The following SEMA4B variants were observed in gnomAD, a reference collection of about 807,000 sequenced individuals.
SEMA4B encodes the protein semaphorin 4B, also known as semaphorin-4B.
SEMA4B carries 55 observed loss-of-function variants against 88.1 expected under a neutral mutation model. The observed-to-expected ratio is 0.62, with a 90% confidence interval of 0.50 to 0.78. The LOEUF (loss-of-function observed/expected upper bound fraction) is 0.78. Ranked by LOEUF, SEMA4B falls within the 30% of genes least tolerant of loss-of-function variation. The pLI, the probability that SEMA4B is intolerant of heterozygous loss-of-function variation, is 0.00. For synonymous variants in SEMA4B, 525 were observed against 473.6 expected, an observed-to-expected ratio of 1.11 and a Z score of -1.41; for missense variants, 1,062 against 1,111.9, an observed-to-expected ratio of 0.96 and a Z score of 0.64.
chr15:90,225,705 C>T lies in SEMA4B; in HGVS notation c.1566C>T (p.Pro522=). 1 of 1,567,828 alleles carries T rather than the reference C, an allele frequency of 6.4e-7. No homozygotes were observed. The highest frequency in any genetic ancestry group is 1.4e-5 in the African/African-American group (1 of 73,598). ...AASHSGVVQV[P]MANCSLYRSC... is the part of the protein sequence containing the mutation. ...CACACTCGGGCGTAGTCCAGGTGCC[C>T]ATGGCCAACTGCAGCCTGTACAGGA... Residue 522 remains proline, a synonymous_variant, in exon 12 of 14, where the codon CCC becomes CCT. Transcript: ENST00000411539.
chr15:90,222,738 C>T (rs1039516704), intron 7 of SEMA4B, among the ~76,000 whole-genome samples: 3 of 152,068 alleles, frequency 2.0e-5, no homozygotes, highest in Non-Finnish European at 4.4e-5. Flanking sequence ...TTAACAGTTT[C>T]CTCTTCTGTT....
At chr15:90,188,908 A>G (rs1015793027) in intron 1 of SEMA4B, among the ~76,000 whole-genome samples, 9 of 151,966 alleles carry the variant, frequency 5.9e-5, no homozygotes, top group African/African-American at 1.4e-4. Flanking sequence ...TGACCTCGTG[A>G]TCCGCCCGCC....
rs147898543 is a variant in SEMA4B, at chr15:90,225,315, G to A, written c.1439G>A (p.Gly480Asp). 3.0e-4 allele frequency: 469 copies of A among 1,558,788 alleles called. 4 individuals are homozygous for A. In the African/African-American group the frequency reaches 5.7e-3, roughly 19 times the overall value. Reference protein sequence around the residue: ...DGRLHKAVSVGPRVHIIEELQ... With the variant: ...DGRLHKAVSVDPRVHIIEELQ... ...CGGCTCCACAAGGCAGTGAGCGTGG[G>A]CCCCCGGGTGCACATCATTGAGGAG... The change falls in exon 11 of 14, where the codon GGC (glycine) becomes GAC (aspartate). Residue 480 changes from glycine (G) to aspartate (D), a missense_variant. Transcript: ENST00000411539.
At position 90,222,726 on chromosome 15, in the gene SEMA4B, G is replaced by A. The variant is rs552749808; in HGVS notation, c.862-833G>A. ...TCTTGGGCAAGTCCCTCACCCCCTC[G>A]GTTAACAGTTTCCTCTTCTGTTAAA... On this transcript the variant is annotated intron_variant, in intron 7 of 13. Coordinates refer to ENST00000411539, the MANE Select transcript of SEMA4B (RefSeq NM_198925.4). 6.1e-4 allele frequency among the ~76,000 whole-genome samples: 93 copies of A among 152,070 alleles called. 1 individual carries two copies. Among genetic ancestry groups the A allele is most frequent in the South Asian group, 3.1e-3 (15 of 4,814 alleles).
intron 7 of SEMA4B, 36 bp from the exon 8 acceptor site, chr15:90,223,523 T>C: frequency 1.3e-6 from 2 of 1,523,828 alleles, no homozygotes; most frequent in Non-Finnish European, 1.8e-6. Flanking sequence ...TGGCTCAGCA[T>C]GTGCCTAAGC....
chr15:90,213,626 G>C (rs1183636403), intron 1 of SEMA4B, among the ~76,000 whole-genome samples: 1 of 152,236 alleles, frequency 6.6e-6, no homozygotes, highest in Non-Finnish European at 1.5e-5. Flanking sequence ...ACCTGGGACT[G>C]AGGCTTATCT....
Position 90,219,901 on chromosome 15 carries a change from C to G in SEMA4B, c.483+10C>G. The G allele has an allele frequency of 1.3e-6, 2 of 1,597,128 alleles. No individual in the cohort carries two copies. Among genetic ancestry groups the G allele is most frequent in the South Asian group, 1.1e-5 (1 of 90,744 alleles). On this transcript the variant is annotated intron_variant, in intron 4 of 13. Coordinates refer to ENST00000411539, the MANE Select transcript of SEMA4B (RefSeq NM_198925.4). Reference sequence around the variant, plus strand: ...CATGTGTACCTACATCGTGAGTGACCTGTCCTCAGCCCTGAGGCTGACCTG... The same window carrying G: ...CATGTGTACCTACATCGTGAGTGACGTGTCCTCAGCCCTGAGGCTGACCTG...
At chr15:90,224,571 C>T (rs954886563) in intron 9 of SEMA4B, among the ~76,000 whole-genome samples, 2 of 152,320 alleles carry the variant, frequency 1.3e-5, no homozygotes, top group African/African-American at 4.8e-5. Flanking sequence ...TGGAGCACCT[C>T]TCAGAATTTC....
chr15:90,188,500 TG>T (rs1960242345), intron 1 of SEMA4B, among the ~76,000 whole-genome samples: 1 of 151,834 alleles, frequency 6.6e-6, no homozygotes, highest in South Asian at 2.1e-4. Flanking sequence ...TGGTGGCGCA[TG>T]CCTGTAATCC....
At position 90,201,705 on chromosome 15, in the gene SEMA4B, G is replaced by C. The variant is rs1960746905; in HGVS notation, c.127G>C (p.Ala43Pro). 1.3e-6 allele frequency: 2 copies of C among 1,499,880 alleles called. No individual in the cohort carries two copies. Among genetic ancestry groups the C allele is most frequent in the Non-Finnish European group, 1.8e-6 (2 of 1,130,492 alleles). The allele number at this position is 1,499,880 out of a possible 1,614,324, so 92.9% of individuals were successfully genotyped here. Residue 43 changes from alanine to proline, a missense_variant, in exon 1 of 14, where the codon GCG (alanine) becomes CCG (proline). Transcript: ENST00000411539. ...GCTGCAGCCGCCGCCTCCGACCTGG[G>C]CGCTCAGCCCCCGGATCAGCCTGCC... The part of the protein sequence containing the change: ...LLLQPPPPTW[A>P]LSPRISLPLG...
chr15:90,191,245 G>A (rs1052403098), intron 1 of SEMA4B, among the ~76,000 whole-genome samples: 1 of 152,208 alleles, frequency 6.6e-6, no homozygotes, highest in Non-Finnish European at 1.5e-5. Flanking sequence ...CACAGCGGAC[G>A]CACCTGGGAC....
intron 3 of SEMA4B, chr15:90,219,583 T>C (rs895003580): frequency 1.9e-6 from 1 of 540,004 alleles, no homozygotes; most frequent in East Asian, 3.1e-5. Flanking sequence ...CAAAACTAGC[T>C]GAGCCCCTGG....
At chr15:90,209,577 AGAGAG>A (rs1961159208) in intron 1 of SEMA4B, among the ~76,000 whole-genome samples, 1 of 152,020 alleles carries the variant, frequency 6.6e-6, no homozygotes, top group Non-Finnish European at 1.5e-5. Flanking sequence ...TAAAAAAAAA[AGAGAG>A]AAGAGCGCAG....
intron 1 of SEMA4B, among the ~76,000 whole-genome samples, chr15:90,211,147 T>C (rs1210811361): frequency 1.3e-4 from 20 of 152,150 alleles, no homozygotes; most frequent in Admixed American, 1.3e-3. Flanking sequence ...AGCCAGCCCC[T>C]GAGCAGAGGG....
intron 1 of SEMA4B, among the ~76,000 whole-genome samples, chr15:90,214,300 C>G (rs1163586185): frequency 4.2e-5 from 6 of 141,392 alleles, no homozygotes; most frequent in Non-Finnish European, 7.5e-5. Context: ...TGCACTCCAG[C>G]CTGGACAACA....
In SEMA4B at chr15:90,228,384, A is replaced by C. The variant is rs1447831248; in HGVS notation, c.2255A>C (p.Glu752Ala). ...ATGAAAGTCTTCCTGAAGCAGGGGG[A>C]ATGTGCCAGCGTGCACCCCAAGACC... ...NSMKVFLKQG[E>A]CASVHPKTCP... The change falls in exon 14 of 14, where the codon GAA becomes GCA. Residue 752 changes from glutamate to alanine, a missense_variant. Glu to Ala is a moderately radical substitution (Grantham distance 107). Transcript: ENST00000411539. 6.3e-6 allele frequency: 10 copies of C among 1,598,630 alleles called. No individual in the cohort carries two copies. The highest frequency in any genetic ancestry group is 8.5e-6 in the Non-Finnish European group (10 of 1,172,120).
chr15:90,201,308 T>G (rs1425207641), upstream of SEMA4B: 1 of 1,142,210 alleles, frequency 8.8e-7, no homozygotes, highest in African/African-American at 1.6e-5. Context: ...GCCGACTTCC[T>G]CCTTCAGCCC....
chr15:90,219,480 G>T (rs1961694052), intron 3 of SEMA4B: 1 of 265,290 alleles, frequency 3.8e-6, no homozygotes, highest in African/African-American at 2.2e-5. Flanking sequence ...GGGGCCTGTG[G>T]CTTCTGAAGA....
At position 90,188,731 on chromosome 15, in the gene SEMA4B, T is replaced by G. The variant is rs527882148; in HGVS notation, c.-122+3650T>G. On this transcript the variant is annotated intron_variant, in intron 1 of 14. Coordinates refer to the SEMA4B transcript ENST00000332496. ...TCGCTCACTCTGGGTGCAGTGGCGCTATCTCGGCTCACTGCAAGCTCCGCC... is the reference window on the plus strand; with the variant it reads ...TCGCTCACTCTGGGTGCAGTGGCGCGATCTCGGCTCACTGCAAGCTCCGCC... Among the ~76,000 whole-genome samples, 22 of 152,268 alleles carry G rather than the reference T, an allele frequency of 1.4e-4. No individual in the cohort carries two copies. In the East Asian group the frequency reaches 3.9e-3, roughly 27 times the overall value.
Sources: allele counts gnomAD v4.1 joint callset (sites outside exome capture counted in the v4.1 genomes callset), GRCh38; gene constraint gnomAD v4.1.1; transcripts MANE v1.5; gene names NCBI Gene and HGNC (gene_info 2026-07-23, HGNC 2026-07-21).